ABCA13: variants seen among roughly 807,000 people sequenced by gnomAD.
The protein encoded by ABCA13 is ATP binding cassette subfamily A member 13, also known as ATP-binding cassette sub-family A member 13.
In ABCA13, 476 loss-of-function variants were observed where a neutral mutation model predicts 478.7. The observed-to-expected ratio is 0.99, with a 90% CI of 0.92 to 1.07. ABCA13 has a LOEUF of 1.07. Ranked by LOEUF, ABCA13 falls within the 50% of genes least tolerant of loss-of-function variation. The probability of loss-of-function intolerance (pLI) is 0.00; values close to 1 mark genes in which losing one functional copy is unlikely to be tolerated. For synonymous variants in ABCA13, 2,252 were observed against 2,158.9 expected, an observed-to-expected ratio of 1.04 and a Z score of -1.20; for missense variants, 6,060 against 5,910.6, an observed-to-expected ratio of 1.03 and a Z score of -0.83.
chr7:48,616,214 A>T (rs965528772), intron 59 of ABCA13, among the ~76,000 whole-genome samples: 1 of 152,152 alleles, frequency 6.6e-6, no homozygotes, highest in Admixed American at 6.5e-5. Context: ...ATTTATGGAG[A>T]AAATAGCTGA....
At chr7:48,358,058 C>G (rs1810215960) in intron 31 of ABCA13, among the ~76,000 whole-genome samples, 1 of 151,260 alleles carries the variant, frequency 6.6e-6, no homozygotes, top group Non-Finnish European at 1.5e-5. Context: ...AGGAGAATTG[C>G]TTGAACCCAG....
In ABCA13 at chr7:48,265,949, C is replaced by T. The variant is rs1035169170; in HGVS notation, c.2006-3031C>T. On this transcript the variant is annotated intron_variant, in intron 15 of 61. Transcript: ENST00000435803. The stretch of plus-strand genomic sequence containing the variant: ...AAATTTTCTTTTATTCCTACTTTGG[C>T]AAGAGCTTTTAATCAGGAATAGATG... Among the ~76,000 whole-genome samples the T allele has an allele frequency of 2.8e-4, 43 of 151,588 alleles. 2 individuals are homozygous for T. Among genetic ancestry groups the T allele is most frequent in the African/African-American group, 9.9e-4 (41 of 41,396 alleles).
intron 55 of ABCA13, among the ~76,000 whole-genome samples, chr7:48,553,026 A>G (rs548061496): frequency 1.4e-5 from 2 of 147,106 alleles, no homozygotes; most frequent in South Asian, 2.1e-4. Flanking sequence ...CATGAATTCA[A>G]TTGTTTTAAT....
At chr7:48,236,570 A>G (rs1359194412) in intron 8 of ABCA13, among the ~76,000 whole-genome samples, 3 of 152,110 alleles carry the variant, frequency 2.0e-5, no homozygotes, top group Non-Finnish European at 2.9e-5. Flanking sequence ...CTCTTTCTCA[A>G]TCATCAAAGC....
chr7:48,511,787 G>A (rs994016228), intron 51 of ABCA13, among the ~76,000 whole-genome samples: 4 of 152,014 alleles, frequency 2.6e-5, no homozygotes, highest in African/African-American at 9.7e-5. Context: ...ATGCACGTAT[G>A]CTTATATACA....
intron 15 of ABCA13, among the ~76,000 whole-genome samples, chr7:48,260,624 C>T (rs530119129): frequency 1.3e-5 from 2 of 152,056 alleles, no homozygotes; most frequent in African/African-American, 4.8e-5. Context: ...TGACAGTTTT[C>T]TATGAATTAA....
chr7:48,272,518 A>G lies in ABCA13; in HGVS notation c.2852A>G (p.Asn951Ser), dbSNP rs768003264. The change falls in exon 17 of 62, where the codon AAT becomes AGT. Residue 951 changes from asparagine to serine, a missense_variant. By Grantham distance (46) the Asn-to-Ser change is conservative (BLOSUM62 1). Transcript: ENST00000435803. ...VDKILTHIHL[N>S]VFQDKDSALL... ...AAAATTTTGACTCACATACACCTAAATGTCTTCCAGGACAAGGATTCAGCT... is the reference window on the plus strand; with the variant it reads ...AAAATTTTGACTCACATACACCTAAGTGTCTTCCAGGACAAGGATTCAGCT... 11 of 1,613,750 alleles carry G rather than the reference A, an allele frequency of 6.8e-6. No individual in the cohort carries two copies. In the Admixed American group the frequency reaches 1.2e-4, roughly 17 times the overall value.
In ABCA13 at chr7:48,615,354, T is replaced by C. The variant is rs372742378; in HGVS notation, c.14814T>C (p.Gly4938=). ...TTAACGGCAGCTTCAAATGTCTTGG[T>C]TCTCCTCAGCACATCAAAAATAGGT... ...IMVNGSFKCL[G]SPQHIKNRFG... is the part of the protein sequence containing the mutation. Residue 4938 remains glycine (G), a synonymous_variant, in exon 59 of 62, where the codon GGT becomes GGC. Coordinates refer to ENST00000435803, the MANE Select transcript of ABCA13 (RefSeq NM_152701.5). The C allele has an allele frequency of 5.1e-6, 8 of 1,572,522 alleles. No homozygotes were observed. In the African/African-American group the frequency reaches 9.4e-5, roughly 19 times the overall value.
chr7:48,392,022 T>G lies in ABCA13; in HGVS notation c.11756T>G (p.Val3919Gly). 1 of 1,614,012 alleles carries G rather than the reference T, an allele frequency of 6.2e-7. No individual in the cohort carries two copies. The highest frequency in any genetic ancestry group is 8.5e-7 in the Non-Finnish European group (1 of 1,179,884). Residue 3919 changes from valine to glycine, a missense_variant, in exon 38 of 62, where the codon GTG (valine) becomes GGG (glycine). Transcript: ENST00000435803. Reference protein sequence around the residue: ...DLSRVRMELGVCPQQDILLDN... With the variant: ...DLSRVRMELGGCPQQDILLDN... ...TCGAGGGTCAGAATGGAGCTTGGTG[T>G]GTGTCCGCAGCAGGACATCCTGTTG...
At position 48,274,588 on chromosome 7, in the gene ABCA13, C is replaced by T; in HGVS notation, c.4922C>T (p.Ser1641Phe). ...GIQLIRDVFN[S>F]LMPVVHHTSP... Reference sequence around the variant, plus strand: ...CAACTGATAAGGGATGTGTTCAACTCCTTAATGCCTGTAGTTCATCACACT... The same window carrying T: ...CAACTGATAAGGGATGTGTTCAACTTCTTAATGCCTGTAGTTCATCACACT... Residue 1641 changes from serine to phenylalanine, a missense_variant, in exon 17 of 62, where the codon TCC (serine) becomes TTC (phenylalanine). Around this residue, in one of 3 missense-constraint regions of ABCA13, gnomAD observed 4,423 missense variants for 4,309.1 expected, o/e 1.03. Transcript: ENST00000435803. 2 of 1,613,928 alleles carry T rather than the reference C, an allele frequency of 1.2e-6. No individual in the cohort carries two copies. The highest frequency in any genetic ancestry group is 1.7e-6 in the Non-Finnish European group (2 of 1,179,842).
At chr7:48,228,898 T>C (rs1275290420) in intron 6 of ABCA13, among the ~76,000 whole-genome samples, 3 of 152,190 alleles carry the variant, frequency 2.0e-5, no homozygotes, top group South Asian at 4.1e-4. Context: ...AATGAGAAGA[T>C]ATTGATGACA....
intron 27 of ABCA13, among the ~76,000 whole-genome samples, chr7:48,323,103 G>T (rs538915450): frequency 1.3e-5 from 2 of 152,274 alleles, no homozygotes; most frequent in African/African-American, 4.8e-5. Context: ...ACTAAAGGGC[G>T]TGTGGGTTTT....
At chr7:48,286,685 A>G (rs773269518) in intron 19 of ABCA13, among the ~76,000 whole-genome samples, 37 of 152,072 alleles carry the variant, frequency 2.4e-4, no homozygotes, top group Admixed American at 2.1e-3. Context: ...TTGTATTTTT[A>G]GTAGAGACGG....
chr7:48,603,499 G>A (rs986035033), intron 58 of ABCA13, among the ~76,000 whole-genome samples: 13 of 152,092 alleles, frequency 8.5e-5, no homozygotes, highest in African/African-American at 1.4e-4. Flanking sequence ...TGTGGTTTTC[G>A]TCGTTGATTC....
chr7:48,417,441 A>C (rs988283990), intron 41 of ABCA13, among the ~76,000 whole-genome samples: 25 of 152,310 alleles, frequency 1.6e-4, no homozygotes, highest in Non-Finnish European at 1.5e-4. Flanking sequence ...TGACACTTGC[A>C]TTTATGTTTC....
intron 39 of ABCA13, among the ~76,000 whole-genome samples, chr7:48,408,742 T>C (rs1472293674): frequency 1.3e-5 from 2 of 152,208 alleles, no homozygotes; most frequent in Admixed American, 1.3e-4. Context: ...GTTTGTTATG[T>C]AGGTAAACTT....
Position 48,274,455 on chromosome 7 carries a change from A to G in ABCA13, c.4789A>G (p.Ile1597Val), listed in dbSNP as rs762686274. The change falls in exon 17 of 62, where the codon ATT becomes GTT. Residue 1597 changes from isoleucine to valine, a missense_variant. Physicochemically the swap from Ile to Val is conservative, Grantham distance 29 (BLOSUM62 3). Around this residue, in one of 3 missense-constraint regions of ABCA13, gnomAD observed 4,423 missense variants for 4,309.1 expected, o/e 1.03. Transcript: ENST00000435803. ...GGATGTAAACAGTGTAGGCAATTCC[A>G]TTTATCACTTAGCTAGTTACCTTGC... ...EKDVNSVGNS[I>V]YHLASYLAFS... The G allele has an allele frequency of 6.2e-7, 1 of 1,613,782 alleles. No homozygotes were observed. The highest frequency in any genetic ancestry group is 1.1e-5 in the South Asian group (1 of 91,082).
chr7:48,525,053 C>A (rs891075150), intron 54 of ABCA13, among the ~76,000 whole-genome samples: 2 of 152,156 alleles, frequency 1.3e-5, no homozygotes, highest in African/African-American at 4.8e-5. Context: ...CGGTTCCCAG[C>A]TCCTGAGAAA....
chr7:48,489,532 G>A (rs1406187418), intron 48 of ABCA13, among the ~76,000 whole-genome samples, 188 bp downstream of exon 48: 1 of 152,166 alleles, frequency 6.6e-6, no homozygotes, highest in Non-Finnish European at 1.5e-5. Context: ...GTCATTAAAT[G>A]TCTTTATTTT....
Sources: allele counts gnomAD v4.1 joint callset (sites outside exome capture counted in the v4.1 genomes callset), GRCh38; gene constraint gnomAD v4.1.1; regional missense constraint gnomAD v4.1.1; transcripts MANE v1.5; gene names NCBI Gene and HGNC (gene_info 2026-07-23, HGNC 2026-07-21).